CCDC146: variants seen among roughly 807,000 people sequenced by gnomAD.
CCDC146 encodes coiled-coil domain-containing protein 146.
In CCDC146, 92 loss-of-function variants were observed where a neutral mutation model predicts 119.3. That is an observed-to-expected ratio of 0.77 (90% CI 0.65 to 0.92). CCDC146 has a LOEUF of 0.92. Ranked by LOEUF, CCDC146 falls within the 40% of genes least tolerant of loss-of-function variation. The pLI is 0.00. For synonymous variants in CCDC146, 372 were observed against 371.8 expected, an observed-to-expected ratio of 1.00 and a Z score of -0.01; for missense variants, 1,000 against 1,103.0, an observed-to-expected ratio of 0.91 and a Z score of 1.32.
chr7:77,221,617 C>G (rs973937148), intron 2 of CCDC146, among the ~76,000 whole-genome samples: 5 of 152,164 alleles, frequency 3.3e-5, no homozygotes, highest in African/African-American at 1.2e-4. Context: ...GTGCTGAGCA[C>G]CTGGTGTGTG....
chr7:77,217,296 A>G (rs1792317556), intron 2 of CCDC146, among the ~76,000 whole-genome samples: 3 of 151,910 alleles, frequency 2.0e-5, no homozygotes. Context: ...AGAACCAGGG[A>G]GCCATTCTTT....
chr7:77,163,293 C>G (rs541718433), intron 1 of CCDC146, among the ~76,000 whole-genome samples: 24 of 152,086 alleles, frequency 1.6e-4, no homozygotes, highest in African/African-American at 5.8e-4. Context: ...ACTAAAAATA[C>G]AAAAATTAGC....
chr7:77,211,598 A>AT (rs952830091), intron 2 of CCDC146, among the ~76,000 whole-genome samples: 12 of 151,300 alleles, frequency 7.9e-5, no homozygotes, highest in East Asian at 1.9e-4. Flanking sequence ...CTTCTATTTT[A>AT]TTTTTTTTAT....
chr7:77,206,820 A>G (rs1418766415), intron 2 of CCDC146, among the ~76,000 whole-genome samples: 2 of 151,862 alleles, frequency 1.3e-5, no homozygotes, highest in East Asian at 1.9e-4. Context: ...ATAATAATGT[A>G]TAGCTTAGAA....
At chr7:77,183,163 T>G (rs2150417982) in intron 2 of CCDC146, among the ~76,000 whole-genome samples, 1 of 152,178 alleles carries the variant, frequency 6.6e-6, no homozygotes, top group East Asian at 1.9e-4. Flanking sequence ...CTTTCTTCCC[T>G]CTTTTAAAAT....
At chr7:77,200,000 G>A (rs1791958127) in intron 2 of CCDC146, among the ~76,000 whole-genome samples, 1 of 152,116 alleles carries the variant, frequency 6.6e-6, no homozygotes. Flanking sequence ...GAAATAATAT[G>A]CATTGAAATT....
intron 15 of CCDC146, among the ~76,000 whole-genome samples, chr7:77,283,953 A>T (rs1161593261): frequency 6.6e-6 from 1 of 152,036 alleles, no homozygotes; most frequent in Non-Finnish European, 1.5e-5. Flanking sequence ...GTGTAGTCAG[A>T]TTGAGATCGA....
At chr7:77,284,405 T>C (rs962244686) in intron 15 of CCDC146, among the ~76,000 whole-genome samples, 2 of 151,972 alleles carry the variant, frequency 1.3e-5, no homozygotes, top group African/African-American at 4.8e-5. Flanking sequence ...AGGAACTCCA[T>C]GCTTGCCCCC....
chr7:77,166,900 A>C (rs1334954420), intron 1 of CCDC146, among the ~76,000 whole-genome samples: 1 of 152,200 alleles, frequency 6.6e-6, no homozygotes, highest in African/African-American at 2.4e-5. Flanking sequence ...ATTACAGAAG[A>C]ACCTCAGTTT....
intron 2 of CCDC146, chr7:77,198,171 G>A: frequency 1.0e-6 from 1 of 985,440 alleles, no homozygotes; most frequent in Non-Finnish European, 1.2e-6. Flanking sequence ...TTCAGATGCA[G>A]GCTGCCAGGA....
At chr7:77,264,222 G>T (rs1219029293) in intron 9 of CCDC146, among the ~76,000 whole-genome samples, 1 of 151,744 alleles carries the variant, frequency 6.6e-6, no homozygotes, top group Non-Finnish European at 1.5e-5. Flanking sequence ...ACTATCTTTT[G>T]GCGTGTTAGA....
intron 2 of CCDC146, among the ~76,000 whole-genome samples, chr7:77,213,191 A>G (rs117135599): frequency 0.019 from 2,952 of 152,094 alleles, 93 homozygotes; most frequent in East Asian, 0.14. Flanking sequence ...CCTGGGCTCA[A>G]GCATCCTCCC....
At chr7:77,264,357 A>G (rs752610592) in intron 9 of CCDC146, among the ~76,000 whole-genome samples, 8 of 152,084 alleles carry the variant, frequency 5.3e-5, no homozygotes, top group Non-Finnish European at 1.2e-4. Flanking sequence ...TCCCGGGTTT[A>G]AGCAATTCTC....
rs778941463 is a variant in CCDC146, at chr7:77,286,849, C to T, written c.2200C>T (p.Pro734Ser). The T allele has an allele frequency of 6.2e-7, 1 of 1,613,804 alleles. No individual in the cohort carries two copies. The highest frequency in any genetic ancestry group is 2.2e-5 in the East Asian group (1 of 44,876). ...IKDLEKQFVKPDGENRARFLP... is the reference protein window; with the variant it reads ...IKDLEKQFVKSDGENRARFLP... ...AGACCTGGAGAAACAGTTCGTAAAG[C>T]CTGATGGTGAGAATAGAGCTCGCTT... Residue 734 changes from proline (P) to serine (S), a missense_variant, in exon 16 of 19, where the codon CCT (proline) becomes TCT (serine). By Grantham distance (74) the Pro-to-Ser change is moderately conservative. Coordinates refer to ENST00000285871, the MANE Select transcript of CCDC146 (RefSeq NM_020879.3).
chr7:77,186,427 G>A (rs1280506788), intron 2 of CCDC146, among the ~76,000 whole-genome samples: 2 of 151,958 alleles, frequency 1.3e-5, no homozygotes, highest in East Asian at 3.9e-4. Flanking sequence ...ATTTATGGGA[G>A]ATAAAAATTA....
intron 14 of CCDC146, among the ~76,000 whole-genome samples, chr7:77,281,028 GGGAGGCA>G (rs1483503620): frequency 2.6e-5 from 4 of 151,912 alleles, no homozygotes; most frequent in African/African-American, 9.7e-5. Context: ...GCTTGAACCC[GGGAGGCA>G]GAGGTTGCAG....
intron 2 of CCDC146, among the ~76,000 whole-genome samples, chr7:77,233,907 A>T (rs71573338): frequency 1.5e-4 from 21 of 144,562 alleles, no homozygotes; most frequent in South Asian, 6.5e-4. Flanking sequence ...GTATTCTATC[A>T]TTTTTTTTTT....
intron 1 of CCDC146, among the ~76,000 whole-genome samples, chr7:77,160,904 AT>A (rs1237449470): frequency 7.2e-5 from 11 of 152,232 alleles, no homozygotes; most frequent in Non-Finnish European, 1.2e-4. Context: ...AAGGGCTAAT[AT>A]CCAGAATCTA....
intron 14 of CCDC146, 100 bp downstream of exon 14, chr7:77,280,753 T>G (rs1351862861): frequency 2.5e-6 from 2 of 811,456 alleles, no homozygotes; most frequent in Non-Finnish European, 3.9e-6. Context: ...GGAAATGTGA[T>G]ATTCAGGTTG....
Sources: gnomAD v4.1 joint callset for allele counts (sites outside exome capture counted in the v4.1 genomes callset) on GRCh38, gnomAD v4.1.1 for gene constraint, MANE v1.5 for transcripts, NCBI Gene and HGNC (gene_info 2026-07-23, HGNC 2026-07-21) for gene names.